Variants in CFAP61 observed in about 807,000 individuals in gnomAD.
CFAP61 encodes the protein cilia- and flagella-associated protein 61.
In CFAP61, 107 loss-of-function variants were observed where a neutral mutation model predicts 135.6. The ratio of observed to expected loss-of-function variants is 0.79; its 90% CI spans 0.67 to 0.93. The LOEUF is 0.93. CFAP61 is among the 40% of genes least tolerant of loss of function. CFAP61 has a pLI of 0.00. For missense variants in CFAP61, 1,507 were observed against 1,556.2 expected (o/e 0.97, Z 0.53); for synonymous variants, 575 against 578.5 (o/e 0.99, Z 0.09).
intron 17 of CFAP61, chr20:20,225,229 T>C (rs1601497025): frequency 6.6e-6 from 1 of 152,334 alleles, no homozygotes; most frequent in Middle Eastern, 3.4e-3. Flanking sequence ...CTGGGAAGAA[T>C]TTTTTTCAAG....
At chr20:20,206,101 G>C (rs1439690853) in intron 17 of CFAP61, among the ~76,000 whole-genome samples, 1 of 152,122 alleles carries the variant, frequency 6.6e-6, no homozygotes, top group Non-Finnish European at 1.5e-5. Flanking sequence ...GCAAGATGAG[G>C]CTGTAAGGAT....
intron 21 of CFAP61, among the ~76,000 whole-genome samples, chr20:20,274,471 G>A (rs1420460068): frequency 6.6e-6 from 1 of 152,190 alleles, no homozygotes; most frequent in African/African-American, 2.4e-5. Context: ...GACCAGCTTG[G>A]TGAACATGTC....
chr20:20,098,321 T>C (rs1315840759), intron 7 of CFAP61, among the ~76,000 whole-genome samples: 2 of 151,946 alleles, frequency 1.3e-5, no homozygotes, highest in Admixed American at 6.6e-5. Flanking sequence ...AGTAATGAAG[T>C]GTTTTGGACT....
chr20:20,302,585 C>G (rs1424429593), intron 25 of CFAP61, among the ~76,000 whole-genome samples: 1 of 152,180 alleles, frequency 6.6e-6, no homozygotes, highest in African/African-American at 2.4e-5. Context: ...TCACTTGAAC[C>G]TGAGAGGCGG....
At chr20:20,069,745 A>T (rs2146564593) in intron 2 of CFAP61, 1 of 456,330 alleles carries the variant, frequency 2.2e-6, no homozygotes, top group African/African-American at 2.0e-5. Context: ...TCTTGCTTAG[A>T]TTTTCTCGTT....
chr20:20,186,281 C>G (rs535912985), intron 13 of CFAP61, among the ~76,000 whole-genome samples: 2 of 152,296 alleles, frequency 1.3e-5, no homozygotes, highest in African/African-American at 2.4e-5. Context: ...AACACGTGGC[C>G]TTTTGTATAT....
At chr20:20,313,618 C>A (rs1196056398) in intron 25 of CFAP61, among the ~76,000 whole-genome samples, 2 of 152,184 alleles carry the variant, frequency 1.3e-5, no homozygotes, top group Non-Finnish European at 2.9e-5. Flanking sequence ...AGTTCATTCT[C>A]TAGGCATAAA....
At chr20:20,140,076 G>C (rs2146743757) in intron 8 of CFAP61, among the ~76,000 whole-genome samples, 1 of 149,294 alleles carries the variant, frequency 6.7e-6, no homozygotes, top group African/African-American at 2.5e-5. Context: ...GGATACCTTT[G>C]AGAGGAGTAT....
At chr20:20,324,340 T>C (rs1162441421) in intron 25 of CFAP61, among the ~76,000 whole-genome samples, 1 of 152,210 alleles carries the variant, frequency 6.6e-6, no homozygotes, top group African/African-American at 2.4e-5. Context: ...TTTGTGAATA[T>C]GTGTTTCTCA....
Position 20,277,663 on chromosome 20 carries a change from A to C in CFAP61, c.2796+205A>C, listed in dbSNP as rs1157668498. The stretch of plus-strand genomic sequence containing the variant: ...GCAACAACAACCGTTTATTATTCTT[A>C]TCTCTCCTGGTTTTTTATTATTATT... On this transcript the variant is annotated intron_variant, in intron 22 of 26. Coordinates refer to ENST00000245957, the MANE Select transcript of CFAP61 (RefSeq NM_015585.4). 3.3e-5 allele frequency among the ~76,000 whole-genome samples: 5 copies of C among 152,264 alleles called. No individual in the cohort carries two copies. The East Asian group carries it at 9.7e-4, about 29-fold the overall frequency.
At chr20:20,214,568 A>G (rs934654939) in intron 17 of CFAP61, among the ~76,000 whole-genome samples, 78 of 152,214 alleles carry the variant, frequency 5.1e-4, no homozygotes, top group African/African-American at 1.8e-3. Flanking sequence ...CAGTTCTCCA[A>G]AGATGAACAC....
At chr20:20,152,302 C>T (rs966604457) in intron 9 of CFAP61, among the ~76,000 whole-genome samples, 2 of 150,370 alleles carry the variant, frequency 1.3e-5, no homozygotes, top group Admixed American at 6.6e-5. Flanking sequence ...AACAATAACA[C>T]AATGAAAAAA....
chr20:20,123,762 G>T (rs1568953849), intron 8 of CFAP61, among the ~76,000 whole-genome samples: 1 of 151,570 alleles, frequency 6.6e-6, no homozygotes, highest in Non-Finnish European at 1.5e-5. Flanking sequence ...TTCTAATTCT[G>T]TGAAGAATGA....
chr20:20,075,522 G>A lies in CFAP61; in HGVS notation c.473G>A (p.Gly158Glu), dbSNP rs2045988361. The change falls in exon 6 of 27, where the codon GGG (glycine) becomes GAG (glutamate). Residue 158 changes from glycine to glutamate, a missense_variant. Gly to Glu is a moderately conservative substitution (Grantham distance 98). Coordinates refer to ENST00000245957, the MANE Select transcript of CFAP61 (RefSeq NM_015585.4). ...CTCATAACTGTTTTTGACCAAGTGG[G>A]GAACATCCCGTGTCTGACGTATGAG... Reference protein sequence around the residue: ...STLITVFDQVGNIPCLTYEED... With the variant: ...STLITVFDQVENIPCLTYEED... The A allele has an allele frequency of 6.2e-7, 1 of 1,613,906 alleles. No individual in the cohort carries two copies. Among genetic ancestry groups the A allele is most frequent in the African/African-American group, 1.3e-5 (1 of 74,888 alleles).
intron 9 of CFAP61, among the ~76,000 whole-genome samples, chr20:20,154,838 G>T (rs1302552960): frequency 6.6e-6 from 1 of 152,114 alleles, no homozygotes; most frequent in Non-Finnish European, 1.5e-5. Context: ...TTGTGAAAAT[G>T]ACTATACTGC....
intron 8 of CFAP61, among the ~76,000 whole-genome samples, chr20:20,133,870 G>A (rs2050725952): frequency 6.6e-6 from 1 of 152,198 alleles, no homozygotes; most frequent in Non-Finnish European, 1.5e-5. Flanking sequence ...CCAGGTAGGA[G>A]GAGTTTCACT....
intron 26 of CFAP61, among the ~76,000 whole-genome samples, chr20:20,351,407 C>G (rs1358205393): frequency 6.6e-6 from 1 of 151,918 alleles, no homozygotes; most frequent in Non-Finnish European, 1.5e-5. Flanking sequence ...ATGGTGAAAC[C>G]CCATCTCTAC....
intron 2 of CFAP61, among the ~76,000 whole-genome samples, chr20:20,070,378 C>G (rs984430054): frequency 6.6e-6 from 1 of 152,172 alleles, no homozygotes; most frequent in African/African-American, 2.4e-5. Context: ...AGCTTTACTG[C>G]TGTTCATAGG....
intron 22 of CFAP61, among the ~76,000 whole-genome samples, chr20:20,281,093 G>T (rs2054169143): frequency 6.6e-6 from 1 of 152,108 alleles, no homozygotes; most frequent in African/African-American, 2.4e-5. Flanking sequence ...TTTACAAAAT[G>T]CAATTTATTT....
Sources: gnomAD v4.1 joint callset for allele counts (sites outside exome capture counted in the v4.1 genomes callset) on GRCh38, gnomAD v4.1.1 for gene constraint, MANE v1.5 for transcripts, NCBI Gene and HGNC (gene_info 2026-07-23, HGNC 2026-07-21) for gene names.